Variants in NLGN4X observed in about 807,000 individuals in gnomAD.
NLGN4X encodes the protein neuroligin 4 X-linked.
A neutral mutation model predicts 40.3 loss-of-function variants in NLGN4X; 3 were observed. The ratio of observed to expected loss-of-function variants is 0.07; its 90% CI spans 0.03 to 0.19. NLGN4X has a LOEUF of 0.19. Ranked by LOEUF, NLGN4X falls within the 10% of genes least tolerant of loss-of-function variation. NLGN4X has a pLI of 1.00. For synonymous variants in NLGN4X, 270 were observed against 306.8 expected (o/e 0.88, Z 1.25); for missense variants, 382 against 708.3 (o/e 0.54, Z 5.23).
chrX:6,184,058 G>T (rs1209366488), intron 1 of NLGN4X, among the ~76,000 whole-genome samples: 1 of 112,133 alleles, frequency 8.9e-6, no homozygotes, highest in Non-Finnish European at 1.9e-5. Flanking sequence ...CTTATCAAAA[G>T]AATTAGTTGA....
intron 2 of NLGN4X, among the ~76,000 whole-genome samples, chrX:6,141,846 AAAT>A (rs1358839151): frequency 9.0e-6 from 1 of 111,498 alleles, no homozygotes; most frequent in Non-Finnish European, 1.9e-5. Flanking sequence ...TTAAAAAAAT[AAAT>A]AATAAAAATT....
intron 1 of NLGN4X, among the ~76,000 whole-genome samples, chrX:6,177,489 G>A (rs1001814506): frequency 4.5e-5 from 5 of 112,078 alleles, no homozygotes; most frequent in Middle Eastern, 4.7e-3. Context: ...GATTACAAAA[G>A]CATTATAGTA....
chrX:6,092,002 C>T (rs2038652703), intron 2 of NLGN4X, among the ~76,000 whole-genome samples: 1 of 106,718 alleles, frequency 9.4e-6, no homozygotes, highest in Non-Finnish European at 1.9e-5. Context: ...TCTTTCTTCC[C>T]CCCTTCCTCC....
intron 3 of NLGN4X, among the ~76,000 whole-genome samples, chrX:6,011,521 C>T (rs995837726): frequency 1.8e-5 from 2 of 110,765 alleles, no homozygotes; most frequent in African/African-American, 6.6e-5. Context: ...GCTGGAGATG[C>T]AATAAGATGA....
intron 3 of NLGN4X, among the ~76,000 whole-genome samples, chrX:5,920,738 G>A (rs992036815): frequency 1.8e-5 from 2 of 110,964 alleles, no homozygotes; most frequent in Non-Finnish European, 3.8e-5. Flanking sequence ...GGATGGGGAC[G>A]TATCTTCTGG....
rs74333729 is a variant in NLGN4X at position 6,199,703 on chromosome X, G to A, written c.-306+28838C>T. On this transcript the variant is annotated intron_variant, in intron 1 of 5. Transcript: ENST00000381095. ...ATCTTCCAGGCACGGACCAGAATGA[G>A]AAATTTGACAAAAATTTTCTATGAC... 4.1e-3 allele frequency among the ~76,000 whole-genome samples: 453 copies of A among 111,599 alleles called. 7 individuals are homozygous for A. In the East Asian group the frequency reaches 0.08, roughly 20 times the overall value.
rs1438938795 is a variant in NLGN4X, at chrX:5,909,100, A to G, written c.765T>C (p.Ala255=). The G allele has an allele frequency of 2.5e-6, 3 of 1,211,330 alleles. No homozygotes were observed. Among genetic ancestry groups the G allele is most frequent in the East Asian group, 3.0e-5 (1 of 33,798 alleles). The change falls in exon 4 of 6, where the codon GCT becomes GCC. Residue 255 remains alanine (A), a synonymous_variant. Transcript: ENST00000381095. ...TCAACAGGCTGACACAGGAGGCCCC[A>G]GCCCCCGAGCCAAAGATGGTCACTC... ...PKRVTIFGSG[A]GASCVSLLTL... is the part of the protein sequence containing the mutation.
At chrX:6,017,296 A>G (rs1255897515) in intron 3 of NLGN4X, among the ~76,000 whole-genome samples, 1 of 112,089 alleles carries the variant, frequency 8.9e-6, no homozygotes, top group Non-Finnish European at 1.9e-5. Flanking sequence ...AGTTCTGATG[A>G]AATATGATTG....
In NLGN4X at chrX:6,066,971, T is replaced by C. The variant is rs900101068; in HGVS notation, c.473-37539A>G. 4.5e-5 allele frequency among the ~76,000 whole-genome samples: 5 copies of C among 110,060 alleles called. No individual in the cohort carries two copies. The East Asian group carries it at 8.7e-4, about 19-fold the overall frequency. ...AAAAAATAACAAAATTAGTTGGACA[T>C]AGTAGCACATGCCTGTAGTCCCAGC... On this transcript the variant is annotated intron_variant, in intron 2 of 5. Coordinates refer to ENST00000381095, the MANE Select transcript of NLGN4X (RefSeq NM_181332.3).
intron 2 of NLGN4X, among the ~76,000 whole-genome samples, chrX:6,129,483 T>A (rs1182434326): frequency 8.9e-6 from 1 of 112,059 alleles, no homozygotes; most frequent in Admixed American, 9.5e-5. Context: ...CTTCTATTGA[T>A]GCTTGATTTT....
At chrX:6,190,417 A>C (rs1249359764) in intron 1 of NLGN4X, among the ~76,000 whole-genome samples, 2 of 112,166 alleles carry the variant, frequency 1.8e-5, no homozygotes, top group African/African-American at 3.2e-5. Flanking sequence ...TGATAAGAAA[A>C]TTTGTCAATA....
chrX:6,110,522 A>T (rs1229634562), intron 2 of NLGN4X, among the ~76,000 whole-genome samples: 1 of 112,055 alleles, frequency 8.9e-6, no homozygotes, highest in Non-Finnish European at 1.9e-5. Flanking sequence ...ACTCCTAGGC[A>T]GCCTTCATGC....
At chrX:6,203,553 C>T (rs773613264) in intron 1 of NLGN4X, among the ~76,000 whole-genome samples, 2 of 112,293 alleles carry the variant, frequency 1.8e-5, no homozygotes, top group Non-Finnish European at 3.8e-5. Context: ...GTGGCTTTCA[C>T]CTTAGACTCT....
intron 2 of NLGN4X, among the ~76,000 whole-genome samples, chrX:6,100,804 C>T (rs926896448): frequency 1.3e-3 from 92 of 72,125 alleles, no homozygotes; most frequent in Non-Finnish European, 1.4e-3. Flanking sequence ...AAACAAAGAC[C>T]CACAGTCTTG....
intron 3 of NLGN4X, chrX:5,991,571 T>C (rs931976585): frequency 4.1e-6 from 2 of 491,409 alleles, no homozygotes; most frequent in Middle Eastern, 3.4e-4. Context: ...TTCTCTTGCC[T>C]AGAAAATCCA....
At chrX:6,161,774 G>A (rs1197053716) in intron 1 of NLGN4X, among the ~76,000 whole-genome samples, 1 of 110,182 alleles carries the variant, frequency 9.1e-6, no homozygotes, top group East Asian at 2.8e-4. Context: ...TACGTGGAAA[G>A]AGAGAGAGGG....
intron 2 of NLGN4X, among the ~76,000 whole-genome samples, chrX:6,082,576 G>A (rs1406016393): frequency 9.1e-6 from 1 of 110,426 alleles, no homozygotes; most frequent in Non-Finnish European, 1.9e-5. Flanking sequence ...AAAACAAGAT[G>A]TATCTAATAG....
intron 2 of NLGN4X, among the ~76,000 whole-genome samples, chrX:6,038,255 A>G (rs1170047069): frequency 8.9e-6 from 1 of 111,826 alleles, no homozygotes; most frequent in East Asian, 2.8e-4. Flanking sequence ...CATTTATGGG[A>G]GCAAAGAAAA....
intron 5 of NLGN4X, among the ~76,000 whole-genome samples, chrX:5,897,608 C>G (rs902968254): frequency 8.9e-6 from 1 of 111,744 alleles, no homozygotes; most frequent in African/African-American, 3.3e-5. Context: ...GGATCCCCCT[C>G]AGGCACAGGC....
Sources: gnomAD v4.1 joint callset for allele counts (sites outside exome capture counted in the v4.1 genomes callset) on GRCh38, gnomAD v4.1.1 for gene constraint, MANE v1.5 for transcripts, NCBI Gene and HGNC (gene_info 2026-07-23, HGNC 2026-07-21) for gene names.